TNS4: variants seen among roughly 807,000 people sequenced by gnomAD.
TNS4 encodes the protein tensin-4.
Under a neutral mutation model 70.4 loss-of-function variants are expected in TNS4, and 46 were observed. The observed-to-expected ratio is 0.65, with a 90% CI of 0.52 to 0.84. The LOEUF is 0.84. Ranked by LOEUF, TNS4 falls within the 40% of genes least tolerant of loss-of-function variation. The pLI, the probability that TNS4 is intolerant of heterozygous loss-of-function variation, is 0.00. For synonymous variants in TNS4, 390 were observed against 366.6 expected, an observed-to-expected ratio of 1.06 and a Z score of -0.73; for missense variants, 863 against 907.0, an observed-to-expected ratio of 0.95 and a Z score of 0.62.
Position 40,484,504 on chromosome 17 carries a change from G to C in TNS4, c.1481C>G (p.Ala494Gly). 3 of 1,611,628 alleles carry C rather than the reference G, an allele frequency of 1.9e-6. No homozygotes were observed. Among genetic ancestry groups the C allele is most frequent in the Non-Finnish European group, 2.5e-6 (3 of 1,179,986 alleles). ...GLALKVQEVP[A>G]SAQSRPGEDS... is the part of the protein sequence containing the mutation. The stretch of plus-strand genomic sequence containing the variant: ...CATACCTGGTCGACTCTGAGCAGAC[G>C]CGGGAACCTCCTGCACCTTCAGGGC... Residue 494 changes from alanine (A) to glycine (G), a missense_variant, in exon 6 of 13, where the codon GCG becomes GGG. Ala to Gly is a moderately conservative substitution (Grantham distance 60). Coordinates refer to ENST00000254051, the MANE Select transcript of TNS4 (RefSeq NM_032865.6).
At chr17:40,494,603 G>T (rs1477442399) in intron 2 of TNS4, among the ~76,000 whole-genome samples, 1 of 152,012 alleles carries the variant, frequency 6.6e-6, no homozygotes, top group South Asian at 2.1e-4. Flanking sequence ...ATGGTGGCAG[G>T]TGCCTGTAAT....
chr17:40,482,496 C>T (rs1187700441), intron 6 of TNS4, 80 bp from the exon 7 acceptor site: 1 of 1,410,556 alleles, frequency 7.1e-7, no homozygotes, highest in African/African-American at 1.4e-5. Context: ...GTAATCCCAG[C>T]ACTTTGGGAG....
chr17:40,480,987 C>T, intron 8 of TNS4: 1 of 532,062 alleles, frequency 1.9e-6, no homozygotes, highest in East Asian at 3.7e-5. Flanking sequence ...TCTCTTCATC[C>T]CCTCCTCGCC....
At chr17:40,500,081 G>A (rs1418611571) in intron 1 of TNS4, among the ~76,000 whole-genome samples, 1 of 152,220 alleles carries the variant, frequency 6.6e-6, no homozygotes, top group African/African-American at 2.4e-5. Flanking sequence ...TGCAGGGCTG[G>A]AGAGGTTGAG....
chr17:40,486,479 T>C (rs2143800695), intron 4 of TNS4, among the ~76,000 whole-genome samples: 1 of 151,762 alleles, frequency 6.6e-6, no homozygotes, highest in Non-Finnish European at 1.5e-5. Flanking sequence ...CCCATCACTC[T>C]CCTGTGTGAG....
At chr17:40,499,866 T>G (rs1255395452) in intron 1 of TNS4, among the ~76,000 whole-genome samples, 1 of 152,176 alleles carries the variant, frequency 6.6e-6, no homozygotes, top group Non-Finnish European at 1.5e-5. Flanking sequence ...TTTGCAGAGC[T>G]CAAGGAGGGC....
chr17:40,489,825 C>A (rs1300172868), intron 2 of TNS4, among the ~76,000 whole-genome samples: 1 of 139,050 alleles, frequency 7.2e-6, no homozygotes, highest in Non-Finnish European at 1.5e-5. Context: ...GAAGTGGTTT[C>A]TCTGTACCTG....
chr17:40,480,903 C>A, intron 8 of TNS4, 135 bp from the exon 9 acceptor site: 1 of 1,024,570 alleles, frequency 9.8e-7, no homozygotes, highest in Non-Finnish European at 1.4e-6. Context: ...GTGACTCAAA[C>A]CAGGTGTGAT....
intron 2 of TNS4, 29 bp downstream of exon 2, chr17:40,495,958 C>A (rs147257924): frequency 2.5e-6 from 4 of 1,572,762 alleles, no homozygotes; most frequent in East Asian, 2.2e-5. Context: ...ACCAAGCCCC[C>A]CTCCTGGTAC....
At position 40,488,834 on chromosome 17, in the gene TNS4, C is replaced by T. The variant is rs777056955; in HGVS notation, c.575G>A (p.Arg192Gln). The change falls in exon 3 of 13, where the codon CGA becomes CAA. Residue 192 changes from arginine (R) to glutamine (Q), a missense_variant. Transcript: ENST00000254051. ...GCTCTCACTGCTGCTTCGTGTCTCTCGGGGGACGTCTCTGGAAAGGAGGAG... is the reference window on the plus strand; with the variant it reads ...GCTCTCACTGCTGCTTCGTGTCTCTTGGGGGACGTCTCTGGAAAGGAGGAG... ...GGLLLSRDVP[R>Q]ETRSSSESLI... 1.6e-5 allele frequency: 26 copies of T among 1,612,918 alleles called. No homozygotes were observed. Among genetic ancestry groups the T allele is most frequent in the African/African-American group, 2.7e-5 (2 of 74,614 alleles).
In TNS4 at chr17:40,487,324, C is replaced by G. The variant is rs1395899380; in HGVS notation, c.1000G>C (p.Ala334Pro). The G allele has an allele frequency of 6.2e-7, 1 of 1,613,936 alleles. No individual in the cohort carries two copies. Among genetic ancestry groups the G allele is most frequent in the African/African-American group, 1.3e-5 (1 of 74,888 alleles). The change falls in exon 4 of 13, where the codon GCT becomes CCT. Residue 334 changes from alanine (A) to proline (P), a missense_variant. Transcript: ENST00000254051. ...ATGGTTAGGGTGGGGTTTCTGGGAG[C>G]CTGGAAGTCACTGGGTCTTGTACAC... The part of the protein sequence containing the change: ...SLCTRPSDFQ[A>P]PRNPTLTMGQ...
intron 2 of TNS4, among the ~76,000 whole-genome samples, chr17:40,491,794 G>C (rs950456441): frequency 2.6e-5 from 4 of 152,208 alleles, no homozygotes; most frequent in Non-Finnish European, 5.9e-5. Flanking sequence ...GCAGTGCTGG[G>C]TGGGTGCCGG....
intron 2 of TNS4, among the ~76,000 whole-genome samples, chr17:40,495,517 C>T (rs1447163899): frequency 6.6e-6 from 1 of 152,138 alleles, no homozygotes; most frequent in Non-Finnish European, 1.5e-5. Context: ...AACAGATGCC[C>T]CAATCCTACC....
chr17:40,478,695 G>T lies in TNS4; in HGVS notation c.1911-47C>A, dbSNP rs545542196. The stretch of plus-strand genomic sequence containing the variant: ...AGGGAAGCGATGACAGCCTGTCCCA[G>T]TGTCATCCTGCCTCCAGCATCTCTC... On this transcript the variant is annotated intron_variant, in intron 10 of 12. Coordinates refer to ENST00000254051, the MANE Select transcript of TNS4 (RefSeq NM_032865.6). The T allele has an allele frequency of 1.4e-5, 23 of 1,590,508 alleles. No individual in the cohort carries two copies. The East Asian group carries it at 4.7e-4, about 32-fold the overall frequency.
At chr17:40,495,606 C>CA in intron 2 of TNS4, among the ~76,000 whole-genome samples, 1 of 152,254 alleles carries the variant, frequency 6.6e-6, no homozygotes, top group South Asian at 2.1e-4. Context: ...ACCAAAATTT[C>CA]AGGGGGGCCC....
chr17:40,489,951 T>C (rs1341103346), intron 2 of TNS4, among the ~76,000 whole-genome samples: 1 of 151,838 alleles, frequency 6.6e-6, no homozygotes, highest in African/African-American at 2.4e-5. Context: ...TTTTGTTTGT[T>C]TTCCAGTTTT....
At chr17:40,491,653 G>A (rs2036067376) in intron 2 of TNS4, among the ~76,000 whole-genome samples, 1 of 151,908 alleles carries the variant, frequency 6.6e-6, no homozygotes, top group Admixed American at 6.6e-5. Flanking sequence ...GGGTCACTGA[G>A]TAAGGAGAGC....
chr17:40,479,924 G>A (rs2143780048), intron 9 of TNS4, 82 bp from the exon 10 acceptor site: 1 of 1,465,020 alleles, frequency 6.8e-7, no homozygotes, highest in Non-Finnish European at 9.1e-7. Context: ...GAGGGGGTGA[G>A]TCTCCTGTTC....
intron 6 of TNS4, among the ~76,000 whole-genome samples, chr17:40,483,829 C>T (rs2035957634): frequency 6.6e-6 from 1 of 152,200 alleles, no homozygotes; most frequent in Admixed American, 6.5e-5. Context: ...CTCTGGGAGC[C>T]TCCGTTATCT....
Sources: allele counts gnomAD v4.1 joint callset (sites outside exome capture counted in the v4.1 genomes callset), GRCh38; gene constraint gnomAD v4.1.1; transcripts MANE v1.5; gene names NCBI Gene and HGNC (gene_info 2026-07-23, HGNC 2026-07-21).